AKAP19: variants seen among roughly 807,000 people sequenced by gnomAD.
AKAP19 encodes the protein A-kinase anchoring protein 19.
the AKAP19 span, among the ~76,000 whole-genome samples, chr2:190,118,953 G>A: frequency 3.9e-5 from 6 of 152,214 alleles, no homozygotes; most frequent in Non-Finnish European, 5.9e-5. Flanking sequence ...TGACAGGATT[G>A]TATATCTAGA....
chr2:190,136,522 C>T, the AKAP19 span, among the ~76,000 whole-genome samples: 1 of 152,132 alleles, frequency 6.6e-6, no homozygotes, highest in Non-Finnish European at 1.5e-5. Context: ...GGTTTCTGGA[C>T]AACATAAGTA....
At chr2:190,125,905 T>A in the AKAP19 span, among the ~76,000 whole-genome samples, 2 of 152,080 alleles carry the variant, frequency 1.3e-5, no homozygotes, top group Non-Finnish European at 2.9e-5. Context: ...ATGCATGGCA[T>A]GAGATATTTT....
chr2:189,898,907 G>C, the AKAP19 span, among the ~76,000 whole-genome samples: 1 of 152,106 alleles, frequency 6.6e-6, no homozygotes, highest in Admixed American at 6.6e-5. Context: ...AACCTTCTTA[G>C]TATGATATAT....
the AKAP19 span, among the ~76,000 whole-genome samples, chr2:190,029,924 C>A: frequency 6.6e-6 from 1 of 152,204 alleles, no homozygotes; most frequent in East Asian, 1.9e-4. Context: ...ATGGGGAATT[C>A]TAGGTGATTT....
the AKAP19 span, among the ~76,000 whole-genome samples, chr2:190,171,837 AGGCATTAC>A: frequency 2.0e-5 from 3 of 152,162 alleles, no homozygotes; most frequent in Non-Finnish European, 4.4e-5. Flanking sequence ...TTATTGTCTC[AGGCATTAC>A]GGTAGGCCAG....
At chr2:190,158,305 C>A in the AKAP19 span, among the ~76,000 whole-genome samples, 16 of 152,122 alleles carry the variant, frequency 1.1e-4, no homozygotes, top group African/African-American at 3.9e-4. Flanking sequence ...GTTTTGTCTG[C>A]GGCTTGTCCT....
the AKAP19 span, among the ~76,000 whole-genome samples, chr2:190,102,830 C>T: frequency 1.3e-5 from 2 of 152,116 alleles, no homozygotes; most frequent in Non-Finnish European, 2.9e-5. Context: ...GGACTCCTTC[C>T]TAACTCATTG....
chr2:190,030,336 A>T, the AKAP19 span, among the ~76,000 whole-genome samples: 2 of 152,214 alleles, frequency 1.3e-5, no homozygotes, highest in Non-Finnish European at 2.9e-5. Flanking sequence ...TTTGTAATAG[A>T]AAATAAATAC....
chr2:190,165,424 G>A, the AKAP19 span, among the ~76,000 whole-genome samples: 6 of 152,048 alleles, frequency 3.9e-5, no homozygotes, highest in South Asian at 2.1e-4. Flanking sequence ...ACAACAGAAC[G>A]AGACTCCATC....
the AKAP19 span, among the ~76,000 whole-genome samples, chr2:189,969,140 T>A: frequency 1.3e-5 from 2 of 152,060 alleles, no homozygotes; most frequent in Non-Finnish European, 2.9e-5. Context: ...GATCTAAGTG[T>A]TTTTTTCCCC....
the AKAP19 span, among the ~76,000 whole-genome samples, chr2:189,996,187 G>A: frequency 6.6e-6 from 1 of 152,172 alleles, no homozygotes; most frequent in African/African-American, 2.4e-5. Flanking sequence ...TCTCAAATAA[G>A]TTTTCCAAAC....
At chr2:190,013,540 G>C in the AKAP19 span, among the ~76,000 whole-genome samples, 4 of 151,458 alleles carry the variant, frequency 2.6e-5, no homozygotes, top group Non-Finnish European at 4.4e-5. Context: ...TTTTGAGATG[G>C]AGTCTCGCTC....
the AKAP19 span, among the ~76,000 whole-genome samples, chr2:190,193,908 T>C: frequency 1.3e-5 from 2 of 152,212 alleles, no homozygotes; most frequent in Non-Finnish European, 2.9e-5. Context: ...TCTTCTTTTC[T>C]ATTATAAGCA....
At chr2:190,180,591 C>A in the AKAP19 span, 6 of 985,840 alleles carry the variant, frequency 6.1e-6, no homozygotes, top group Non-Finnish European at 7.2e-6. This position sits in a 1 kb window ranked among gnomAD's most constrained non-coding sequence, Gnocchi z 6.8. Flanking sequence ...GGCGTGAGGG[C>A]GGTGGCCCAG....
the AKAP19 span, chr2:189,923,721 G>A: frequency 1.4e-5 from 23 of 1,613,604 alleles, no homozygotes; most frequent in Admixed American, 1.3e-4. Flanking sequence ...TACCCAGCAC[G>A]TGTACCTCCT....
At chr2:190,122,502 CA>C in the AKAP19 span, among the ~76,000 whole-genome samples, 2 of 152,192 alleles carry the variant, frequency 1.3e-5, no homozygotes, top group African/African-American at 4.8e-5. Flanking sequence ...TAATCAGTTT[CA>C]CTTTAGGGCA....
the AKAP19 span, among the ~76,000 whole-genome samples, chr2:189,978,578 C>A: frequency 6.6e-6 from 1 of 152,160 alleles, no homozygotes; most frequent in Admixed American, 6.5e-5. Flanking sequence ...GATTGCACCA[C>A]TGCACTCCAG....
the AKAP19 span, among the ~76,000 whole-genome samples, chr2:190,125,943 CAAT>C: frequency 1.3e-5 from 2 of 151,798 alleles, no homozygotes; most frequent in South Asian, 2.1e-4. Context: ...TTTTTAAAAA[CAAT>C]AATGTTTTTA....
chr2:190,059,909 C>A, the AKAP19 span, among the ~76,000 whole-genome samples: 1 of 151,846 alleles, frequency 6.6e-6, no homozygotes, highest in East Asian at 1.9e-4. Flanking sequence ...AATTGGACAC[C>A]TACTTTTATT....
Sources: gnomAD v4.1 joint callset for allele counts (sites outside exome capture counted in the v4.1 genomes callset) on GRCh38, gnomAD v4.1.1 for gene constraint, Gnocchi (gnomAD v3.1) non-coding constraint, MANE v1.5 for transcripts, NCBI Gene and HGNC (gene_info 2026-07-23, HGNC 2026-07-21) for gene names.